Variants in RNFT2 observed in about 807,000 individuals in gnomAD.
RNFT2 encodes ring finger protein, transmembrane 2.
RNFT2 carries 36 observed loss-of-function variants against 53.0 expected under a neutral mutation model. The ratio of observed to expected loss-of-function variants is 0.68; its 90% CI spans 0.52 to 0.90. RNFT2 has a LOEUF of 0.90. Ranked by LOEUF, RNFT2 falls within the 40% of genes least tolerant of loss-of-function variation. RNFT2 has a pLI of 0.00. For missense variants in RNFT2, 514 were observed against 585.6 expected (o/e 0.88, Z 1.26); for synonymous variants, 260 against 253.2 (o/e 1.03, Z -0.26).
At chr12:116,767,702 C>T (rs543982313) in intron 6 of RNFT2, among the ~76,000 whole-genome samples, 1 of 152,194 alleles carries the variant, frequency 6.6e-6, no homozygotes, top group Non-Finnish European at 1.5e-5. Flanking sequence ...GCCTCAGCCT[C>T]CCAAGTAGCT....
At chr12:116,830,427 A>G (rs1410847345) in intron 7 of RNFT2, among the ~76,000 whole-genome samples, 1 of 152,080 alleles carries the variant, frequency 6.6e-6, no homozygotes, top group African/African-American at 2.4e-5. Context: ...AGCTGGGACC[A>G]CAGGAACTCA....
chr12:116,849,043 C>T (rs1317313726), intron 10 of RNFT2, among the ~76,000 whole-genome samples: 3 of 152,124 alleles, frequency 2.0e-5, no homozygotes, highest in South Asian at 2.1e-4. Flanking sequence ...TGGTCTCAAA[C>T]TCCTGCCTCA....
chr12:116,743,623 G>A (rs12298519), intron 3 of RNFT2, among the ~76,000 whole-genome samples: 1 of 152,140 alleles, frequency 6.6e-6, no homozygotes, highest in Non-Finnish European at 1.5e-5. Flanking sequence ...CCTGTTCTCA[G>A]ATTGGGACAG....
At position 116,743,234 on chromosome 12, in the gene RNFT2, AAAAAAAAAAAC is replaced by A. The variant is rs1239797388; in HGVS notation, c.83+2141_83+2151del. Among the ~76,000 whole-genome samples the A allele has an allele frequency of 4.2e-3, 476 of 114,486 alleles. 76 individuals are homozygous for A. The highest frequency in any genetic ancestry group is 0.017 in the Middle Eastern group (4 of 242). 75.1% of individuals were successfully genotyped at this position (114,486 alleles called of 152,430 possible). A position where few individuals can be genotyped will look rare whatever the true frequency, so the allele number is the denominator to read the frequency against. ...AATCTAAAAAAAAAAAAAAAAAAAAAAAAAAAAAAACCGGTTAAAAAACACTCATGAGCTAG... is the reference window on the plus strand; with the variant it reads ...AATCTAAAAAAAAAAAAAAAAAAAAACGGTTAAAAAACACTCATGAGCTAG... On this transcript the variant is annotated intron_variant, in intron 3 of 10. Transcript: ENST00000257575.
intron 5 of RNFT2, among the ~76,000 whole-genome samples, chr12:116,764,621 G>A (rs1459289486): frequency 6.6e-6 from 1 of 152,234 alleles, no homozygotes; most frequent in African/African-American, 2.4e-5. Flanking sequence ...GGCAAGGACA[G>A]TGGCTCACGC....
chr12:116,825,495 C>T (rs1876278287), intron 7 of RNFT2, among the ~76,000 whole-genome samples: 1 of 152,154 alleles, frequency 6.6e-6, no homozygotes, highest in Non-Finnish European at 1.5e-5. Flanking sequence ...TCTTATGTAC[C>T]TGTGTTTTAG....
chr12:116,768,099 C>CTTT (rs528793630), intron 6 of RNFT2, among the ~76,000 whole-genome samples: 1 of 131,976 alleles, frequency 7.6e-6, no homozygotes, highest in Admixed American at 7.6e-5. Flanking sequence ...ACAGTTTGGC[C>CTTT]TTTTTTTTTT....
intron 7 of RNFT2, among the ~76,000 whole-genome samples, chr12:116,826,175 T>G (rs1876323719): frequency 6.6e-6 from 1 of 152,102 alleles, no homozygotes; most frequent in Non-Finnish European, 1.5e-5. Flanking sequence ...CTACTCTCCT[T>G]CATTTCCCAC....
intron 7 of RNFT2, among the ~76,000 whole-genome samples, chr12:116,795,749 C>G (rs1874473376): frequency 6.6e-6 from 1 of 152,164 alleles, no homozygotes; most frequent in Non-Finnish European, 1.5e-5. Flanking sequence ...TAAGAACTCT[C>G]TACAAGTCCC....
At chr12:116,805,488 T>TG (rs1875001268) in intron 7 of RNFT2, among the ~76,000 whole-genome samples, 1 of 152,128 alleles carries the variant, frequency 6.6e-6, no homozygotes, top group Admixed American at 6.6e-5. Context: ...TTGTTGTTGT[T>TG]TTTTGACACA....
Position 116,750,230 on chromosome 12 carries a change from C to G in RNFT2, c.473C>G (p.Ala158Gly), listed in dbSNP as rs747201450. 8.0e-5 allele frequency: 129 copies of G among 1,607,618 alleles called. No individual in the cohort carries two copies. Among genetic ancestry groups the G allele is most frequent in the Non-Finnish European group, 1.0e-4 (120 of 1,179,416 alleles). ...GCCCCCGCCCTGTCCGAGCTGAAGGCTGTGATCTGCTGGCTCCAGAAAGGA... is the reference window on the plus strand; with the variant it reads ...GCCCCCGCCCTGTCCGAGCTGAAGGGTGTGATCTGCTGGCTCCAGAAAGGA... The part of the protein sequence containing the change: ...TPAPALSELK[A>G]VICWLQKGLP... Residue 158 changes from alanine to glycine, a missense_variant, in exon 4 of 11, where the codon GCT (alanine) becomes GGT (glycine). Transcript: ENST00000257575.
chr12:116,816,356 TACTC>T (rs978929479), intron 7 of RNFT2, among the ~76,000 whole-genome samples: 5 of 152,172 alleles, frequency 3.3e-5, no homozygotes, highest in African/African-American at 1.2e-4. Context: ...GGAAGATTTT[TACTC>T]ACAGCCCAGC....
chr12:116,751,769 T>A (rs1255605405), intron 4 of RNFT2, among the ~76,000 whole-genome samples: 1 of 151,926 alleles, frequency 6.6e-6, no homozygotes, highest in African/African-American at 2.4e-5. Context: ...TGTTTTTGTT[T>A]TTGTTTTTGA....
chr12:116,792,348 C>T, intron 7 of RNFT2, among the ~76,000 whole-genome samples: 1 of 152,142 alleles, frequency 6.6e-6, no homozygotes. Context: ...CTGCGCCCAG[C>T]CTAGAAAATT....
chr12:116,754,127 C>T (rs1323245625), intron 5 of RNFT2, 67 bp downstream of exon 5: 2 of 1,316,226 alleles, frequency 1.5e-6, no homozygotes, highest in Non-Finnish European at 2.2e-6. Flanking sequence ...CAGGCACAGT[C>T]TTCCCGGCAA....
chr12:116,742,464 G>T (rs1332369841), intron 3 of RNFT2, among the ~76,000 whole-genome samples: 3 of 151,650 alleles, frequency 2.0e-5, no homozygotes, highest in Admixed American at 2.0e-4. Flanking sequence ...ACAGGGTTTT[G>T]TTATGTTTCC....
At chr12:116,837,814 AAGATG>A (rs1877055687) in intron 10 of RNFT2, among the ~76,000 whole-genome samples, 1 of 152,154 alleles carries the variant, frequency 6.6e-6, no homozygotes, top group African/African-American at 2.4e-5. Context: ...ACGGTAATGC[AAGATG>A]ATGACATTAG....
chr12:116,811,525 AC>A (rs1394219458), intron 7 of RNFT2, among the ~76,000 whole-genome samples: 1 of 152,056 alleles, frequency 6.6e-6, no homozygotes, highest in Non-Finnish European at 1.5e-5. Flanking sequence ...ACAGGCGCCC[AC>A]CACCACACCT....
At chr12:116,837,361 A>G (rs1172391275) in intron 10 of RNFT2, among the ~76,000 whole-genome samples, 7 of 152,052 alleles carry the variant, frequency 4.6e-5, no homozygotes, top group African/African-American at 1.7e-4. Context: ...AGTGCCGTGT[A>G]AGAGAGATTC....
Sources: allele counts gnomAD v4.1 joint callset (sites outside exome capture counted in the v4.1 genomes callset), GRCh38; gene constraint gnomAD v4.1.1; transcripts MANE v1.5; gene names NCBI Gene and HGNC (gene_info 2026-07-23, HGNC 2026-07-21).